ABI3BP: variants seen among roughly 807,000 people sequenced by gnomAD.
The protein encoded by ABI3BP is target of Nesh-SH3.
In ABI3BP, 216 loss-of-function variants were observed where a neutral mutation model predicts 268.6. The ratio of observed to expected loss-of-function variants is 0.80; its 90% CI spans 0.72 to 0.90. The LOEUF (loss-of-function observed/expected upper bound fraction) is 0.90, where lower values mean the gene tolerates loss of function less well. Ranked by LOEUF, ABI3BP falls within the 40% of genes least tolerant of loss-of-function variation. ABI3BP has a pLI of 0.00. For missense variants in ABI3BP, 2,090 were observed against 2,182.4 expected (o/e 0.96, Z 0.84); for synonymous variants, 730 against 730.0 (o/e 1.00, Z 0.00).
intron 2 of ABI3BP, among the ~76,000 whole-genome samples, chr3:100,921,607 T>G (rs1393538235): frequency 1.3e-5 from 2 of 152,154 alleles, no homozygotes; most frequent in Non-Finnish European, 2.9e-5. Flanking sequence ...CAATTAATAT[T>G]TATTAATAGC....
chr3:100,829,380 G>A (rs1246101745), intron 33 of ABI3BP, among the ~76,000 whole-genome samples: 1 of 152,160 alleles, frequency 6.6e-6, no homozygotes, highest in Non-Finnish European at 1.5e-5. Flanking sequence ...AAAGGATGAA[G>A]AGAATTGAAT....
In ABI3BP at chr3:100,937,916, T is replaced by C. The variant is rs534759021; in HGVS notation, c.80-11435A>G. Among the ~76,000 whole-genome samples the C allele has an allele frequency of 1.6e-4, 24 of 152,150 alleles. No homozygotes were observed. In the South Asian group the frequency reaches 1.7e-3, roughly 11 times the overall value. ...CTTCCAAAAATCATAGTATATGACA[T>C]AGATTGTATTAAATTAAACTTTAAC... On this transcript the variant is annotated intron_variant, in intron 1 of 67. Transcript: ENST00000471714.
At chr3:100,787,259 T>C (rs2097078769) in intron 57 of ABI3BP, among the ~76,000 whole-genome samples, 1 of 152,154 alleles carries the variant, frequency 6.6e-6, no homozygotes, top group Non-Finnish European at 1.5e-5. Context: ...GGTAACCAGA[T>C]GCGAATTGCT....
intron 63 of ABI3BP, among the ~76,000 whole-genome samples, chr3:100,765,067 TAATTC>T (rs1260633068): frequency 6.8e-6 from 1 of 147,910 alleles, no homozygotes; most frequent in Non-Finnish European, 1.5e-5. Context: ...TATCAATAAC[TAATTC>T]AATTCAATCA....
intron 1 of ABI3BP, among the ~76,000 whole-genome samples, chr3:100,978,666 T>C (rs1257833756): frequency 6.6e-6 from 1 of 152,192 alleles, no homozygotes; most frequent in Non-Finnish European, 1.5e-5. Context: ...GCTAAATTTT[T>C]TTCTACAGAC....
chr3:100,896,214 G>A (rs1346223195), intron 4 of ABI3BP, among the ~76,000 whole-genome samples: 1 of 152,180 alleles, frequency 6.6e-6, no homozygotes, highest in Non-Finnish European at 1.5e-5. Flanking sequence ...GAGCCAGGGT[G>A]CGTGTGCAAG....
chr3:100,870,392 G>T (rs1280114639), intron 9 of ABI3BP, among the ~76,000 whole-genome samples: 1 of 151,716 alleles, frequency 6.6e-6, no homozygotes, highest in Non-Finnish European at 1.5e-5. Context: ...GACCTGAATA[G>T]ACATTTCTCC....
intron 2 of ABI3BP, chr3:100,912,171 C>T (rs1031777136): frequency 2.9e-6 from 1 of 340,868 alleles, no homozygotes; most frequent in African/African-American, 2.2e-5. Context: ...CTGCTCTTAC[C>T]CTTCGTGCTG....
chr3:100,776,055 G>T (rs530051961), intron 59 of ABI3BP, among the ~76,000 whole-genome samples: 22 of 152,148 alleles, frequency 1.4e-4, no homozygotes, highest in Admixed American at 2.6e-4. Flanking sequence ...GTGCTACCCT[G>T]ATTGCTATAT....
chr3:100,750,615 G>T lies in ABI3BP; in HGVS notation c.5246-5C>A. The T allele has an allele frequency of 1.9e-6, 3 of 1,602,104 alleles. No individual in the cohort carries two copies. The highest frequency in any genetic ancestry group is 2.6e-6 in the Non-Finnish European group (3 of 1,170,852). On this transcript the variant is annotated splice_region_variant and splice_polypyrimidine_tract_variant and intron_variant, in intron 67 of 67. Coordinates refer to ENST00000471714, the MANE Select transcript of ABI3BP (RefSeq NM_001375547.2). The stretch of plus-strand genomic sequence containing the variant: ...GGCGAACTGCTCTGAAATAACCTGA[G>T]AGAGAAAATAGTTTCATTTTAATAG...
At chr3:100,982,108 G>T (rs1030587564) in intron 1 of ABI3BP, among the ~76,000 whole-genome samples, 5 of 152,140 alleles carry the variant, frequency 3.3e-5, no homozygotes, top group Admixed American at 3.3e-4. Context: ...GTGTGAGAGT[G>T]CAGGAAAAAC....
rs186263334 is a variant in ABI3BP at position 100,778,364 on chromosome 3, G to A, written c.4253C>T (p.Pro1418Leu). The change falls in exon 59 of 68, where the codon CCA becomes CTA. Residue 1418 changes from proline (P) to leucine (L), a missense_variant. Transcript: ENST00000471714. ...HPTKKPGTRRPPLPPRPTHPR... is the reference protein window; with the variant it reads ...HPTKKPGTRRLPLPPRPTHPR... ...GTGTGTAGGTCTGGGTGGCAAGGGT[G>A]GGCGGCGAGTCCCTGGGATTGTGGA... is the stretch of plus-strand genomic sequence containing the variant. 1.9e-5 allele frequency: 31 copies of A among 1,592,874 alleles called. No individual in the cohort carries two copies. The African/African-American group carries it at 4.2e-4, about 21-fold the overall frequency.
At chr3:100,817,408 G>A (rs73135535) in intron 42 of ABI3BP, 28 bp downstream of exon 42, 272,638 of 1,453,328 alleles carry the variant, frequency 0.19, 28,347 homozygotes, top group South Asian at 0.26. Flanking sequence ...GGAGGAAAAA[G>A]TTATTCAGGA....
chr3:100,790,891 T>C (rs1246095887), intron 55 of ABI3BP, among the ~76,000 whole-genome samples: 1 of 151,858 alleles, frequency 6.6e-6, no homozygotes, highest in East Asian at 1.9e-4. Context: ...AGATTGAGAG[T>C]AGACCACAGA....
Position 100,860,035 on chromosome 3 carries a change from C to T in ABI3BP, c.1285+2276G>A, listed in dbSNP as rs1333725999. On this transcript the variant is annotated intron_variant, in intron 14 of 67. Transcript: ENST00000471714. ...TGCAGTGAGCCGAGATCGCACCCAT[C>T]GCACTCCAGCCTGGGAGACAAGAGC... 2.6e-5 allele frequency among the ~76,000 whole-genome samples: 4 copies of T among 152,210 alleles called. No individual in the cohort carries two copies. The East Asian group carries it at 5.8e-4, about 22-fold the overall frequency.
intron 1 of ABI3BP, among the ~76,000 whole-genome samples, chr3:100,989,513 A>G (rs371807606): frequency 6.2e-4 from 94 of 152,276 alleles, no homozygotes; most frequent in Middle Eastern, 3.4e-3. Context: ...TTAGGTAAGA[A>G]CCCAAAGCAA....
At chr3:100,828,336 A>C in intron 34 of ABI3BP, 57 bp downstream of exon 34, 3 of 1,445,756 alleles carry the variant, frequency 2.1e-6, no homozygotes, top group Non-Finnish European at 2.8e-6. Context: ...TATACAGTGG[A>C]ATAAGCTTGA....
rs545258037 is a variant in ABI3BP, at chr3:100,925,419, T to A, written c.259+883A>T. ...GAGGATCCTTTAAATATTTATATAT[T>A]TATTTATTTATTTGACAGAGTCTCA... On this transcript the variant is annotated intron_variant, in intron 2 of 67. Coordinates refer to ENST00000471714, the MANE Select transcript of ABI3BP (RefSeq NM_001375547.2). Among the ~76,000 whole-genome samples, 15 of 46,388 alleles carry A rather than the reference T, an allele frequency of 3.2e-4. No individual in the cohort carries two copies. The South Asian group carries it at 0.021, about 65-fold the overall frequency. 30.4% of individuals were successfully genotyped at this position (46,388 alleles called of 152,430 possible). A position where few individuals can be genotyped will look rare whatever the true frequency, so the allele number is the denominator to read the frequency against.
Position 100,795,008 on chromosome 3 carries a change from AAAAAG to A in ABI3BP, c.3866-10_3866-6del. On this transcript the variant is annotated splice_polypyrimidine_tract_variant and splice_region_variant and intron_variant, in intron 53 of 67. Coordinates refer to ENST00000471714, the MANE Select transcript of ABI3BP (RefSeq NM_001375547.2). ...TGCCTCGTGTCTCTAGAGGAGCTGC[AAAAAG>A]AAAAGGACCAAGGTTGTAAATTTTT... 1 of 1,474,104 alleles carries A rather than the reference AAAAAG, an allele frequency of 6.8e-7. No homozygotes were observed. The highest frequency in any genetic ancestry group is 9.0e-7 in the Non-Finnish European group (1 of 1,115,532). 91.3% of individuals were successfully genotyped at this position (1,474,104 alleles called of 1,614,324 possible).
Sources: allele counts gnomAD v4.1 joint callset (sites outside exome capture counted in the v4.1 genomes callset), GRCh38; gene constraint gnomAD v4.1.1; transcripts MANE v1.5; gene names NCBI Gene and HGNC (gene_info 2026-07-23, HGNC 2026-07-21).